Variants in LARGE1 observed in about 807,000 individuals in gnomAD.
The protein encoded by LARGE1 is LARGE xylosyl- and glucuronyltransferase 1.
A neutral mutation model predicts 87.6 loss-of-function variants in LARGE1; 43 were observed. The ratio of observed to expected loss-of-function variants is 0.49; its 90% confidence interval spans 0.38 to 0.63. The LOEUF (loss-of-function observed/expected upper bound fraction) is 0.63, where lower values mean the gene tolerates loss of function less well. Among genes scored for constraint, LARGE1 ranks in the 30% least tolerant of loss-of-function variants. The pLI is 0.00. For missense variants in LARGE1, 802 were observed against 1,000.2 expected (o/e 0.80, Z 2.67); for synonymous variants, 434 against 394.6 (o/e 1.10, Z -1.18).
chr22:33,213,847 CG>C (rs1016579440), intron 11 of LARGE1, among the ~76,000 whole-genome samples: 13 of 151,082 alleles, frequency 8.6e-5, no homozygotes, highest in Non-Finnish European at 1.6e-4. Flanking sequence ...TTTTTTGAGA[CG>C]GAGTCTCACT....
chr22:33,732,295 T>TGGCC (rs1171441700), intron 2 of LARGE1: 2 of 152,186 alleles, frequency 1.3e-5, no homozygotes, highest in African/African-American at 2.4e-5. Context: ...GGGGAATCCC[T>TGGCC]GGCCTCCCTC....
chr22:33,316,221 C>T lies in LARGE1; in HGVS notation c.1315G>A (p.Glu439Lys), dbSNP rs746465262. 1.9e-6 allele frequency: 3 copies of T among 1,613,762 alleles called. No individual in the cohort carries two copies. The highest frequency in any genetic ancestry group is 1.7e-5 in the Admixed American group (1 of 59,998). ...CGGAACTCATAGCACAGGTCGTCCTCGTCCAGCTCAGACAGCTGCTTCTGG... is the reference window on the plus strand; with the variant it reads ...CGGAACTCATAGCACAGGTCGTCCTTGTCCAGCTCAGACAGCTGCTTCTGG... ...NLQKQLSELD[E>K]DDLCYEFRRE... The change falls in exon 11 of 15, where the codon GAG becomes AAG. Residue 439 changes from glutamate (E) to lysine (K), a missense_variant. Transcript: ENST00000397394.
intron 2 of LARGE1, among the ~76,000 whole-genome samples, chr22:33,694,773 T>C (rs896589970): frequency 1.3e-5 from 2 of 152,172 alleles, no homozygotes; most frequent in African/African-American, 2.4e-5. Flanking sequence ...GGTAGCCCCC[T>C]AGTCTCTTCC....
intron 4 of LARGE1, among the ~76,000 whole-genome samples, chr22:33,614,990 G>A (rs1569314271): frequency 6.6e-6 from 1 of 152,276 alleles, no homozygotes; most frequent in Admixed American, 6.5e-5. Context: ...CGCTAACTGC[G>A]TCTGGCCTTC....
intron 5 of LARGE1, among the ~76,000 whole-genome samples, chr22:33,587,098 G>A (rs1388010102): frequency 6.6e-6 from 1 of 152,080 alleles, no homozygotes; most frequent in African/African-American, 2.4e-5. Flanking sequence ...ATTCAACGTT[G>A]CTATTAAATC....
At chr22:33,509,206 C>T (rs2070923644) in intron 6 of LARGE1, among the ~76,000 whole-genome samples, 1 of 152,176 alleles carries the variant, frequency 6.6e-6, no homozygotes, top group Non-Finnish European at 1.5e-5. Context: ...CACCCCAAGA[C>T]TTTGAATACC....
intron 1 of LARGE1, among the ~76,000 whole-genome samples, chr22:33,919,463 G>C (rs761994834): frequency 6.6e-6 from 1 of 152,204 alleles, no homozygotes; most frequent in Non-Finnish European, 1.5e-5. Context: ...ATGCTGGCTG[G>C]GCTTCCCCCC....
At chr22:33,719,897 G>A (rs890498193) in intron 2 of LARGE1, among the ~76,000 whole-genome samples, 1 of 151,984 alleles carries the variant, frequency 6.6e-6, no homozygotes, top group Admixed American at 6.6e-5. Flanking sequence ...AATTGCCTCC[G>A]GTAGTCAGTA....
At position 33,460,917 on chromosome 22, in the gene LARGE1, A is replaced by T. The variant is rs370155263; in HGVS notation, c.788-28652T>A. Among the ~76,000 whole-genome samples the T allele has an allele frequency of 3.0e-3, 456 of 152,312 alleles. 2 individuals are homozygous for T. The highest frequency in any genetic ancestry group is 0.024 in the Middle Eastern group (7 of 294). On this transcript the variant is annotated intron_variant, in intron 6 of 14. Transcript: ENST00000397394. ...CCCATTCTCAGGGAGTTTGGGGGCC[A>T]GAATCATACCTATCTTGTTGGTCTG...
At chr22:33,580,345 A>G (rs1182780563) in intron 5 of LARGE1, among the ~76,000 whole-genome samples, 1 of 151,364 alleles carries the variant, frequency 6.6e-6, no homozygotes, top group African/African-American at 2.4e-5. Flanking sequence ...ACTCCAGCCT[A>G]GGCAACAAGA....
At chr22:33,353,174 A>G (rs1940557351) in intron 9 of LARGE1, among the ~76,000 whole-genome samples, 1 of 152,224 alleles carries the variant, frequency 6.6e-6, no homozygotes, top group African/African-American at 2.4e-5. Context: ...TGTTAGTACA[A>G]AGATGTGTGA....
the LARGE1 span, among the ~76,000 whole-genome samples, chr22:33,137,970 C>T: frequency 6.6e-6 from 1 of 152,132 alleles, no homozygotes; most frequent in Non-Finnish European, 1.5e-5. Context: ...ACACAGAGTC[C>T]CCAGTGGGGC....
chr22:33,176,298 A>G (rs1331261518), intron 11 of LARGE1, among the ~76,000 whole-genome samples: 1 of 152,244 alleles, frequency 6.6e-6, no homozygotes, highest in East Asian at 1.9e-4. Context: ...GTCAAAATTG[A>G]CAAATGGGAT....
At chr22:33,657,904 A>G (rs140371639) in intron 2 of LARGE1, among the ~76,000 whole-genome samples, 47 of 152,068 alleles carry the variant, frequency 3.1e-4, no homozygotes, top group African/African-American at 1.1e-3. Context: ...GCTGTCATGA[A>G]GTGGGTATTC....
chr22:33,164,209 T>C (rs1414694575), exon 12 of LARGE1: 1 of 152,170 alleles, frequency 6.6e-6, no homozygotes, highest in Non-Finnish European at 1.5e-5. Context: ...TCCGTTTTTA[T>C]CCATTGATCT....
intron 1 of LARGE1, among the ~76,000 whole-genome samples, chr22:33,860,031 C>T: frequency 6.6e-6 from 1 of 152,142 alleles, no homozygotes; most frequent in South Asian, 2.1e-4. Flanking sequence ...CCAAACAGTT[C>T]TGGAGATTGG....
intron 9 of LARGE1, among the ~76,000 whole-genome samples, chr22:33,380,387 A>T (rs1046943044): frequency 1.3e-5 from 2 of 152,046 alleles, no homozygotes; most frequent in African/African-American, 4.8e-5. Context: ...AAGTGCAGTT[A>T]AAAAAAAGTT....
chr22:33,798,041 G>A (rs1303631540), intron 1 of LARGE1, among the ~76,000 whole-genome samples: 3 of 152,204 alleles, frequency 2.0e-5, no homozygotes, highest in Non-Finnish European at 2.9e-5. Flanking sequence ...GGGAGGCCAC[G>A]GTGGGTGGAT....
intron 2 of LARGE1, among the ~76,000 whole-genome samples, chr22:33,730,712 C>T (rs989603048): frequency 6.0e-5 from 9 of 149,700 alleles, no homozygotes; most frequent in South Asian, 4.2e-4. Flanking sequence ...TTTTTTGAGA[C>T]GGAGTTTTAC....
Sources: gnomAD v4.1 joint callset for allele counts (sites outside exome capture counted in the v4.1 genomes callset) on GRCh38, gnomAD v4.1.1 for gene constraint, MANE v1.5 for transcripts, NCBI Gene and HGNC (gene_info 2026-07-23, HGNC 2026-07-21) for gene names.